TCF20: variants seen among roughly 807,000 people sequenced by gnomAD.
TCF20 encodes SPRE-binding protein.
A neutral mutation model predicts 148.6 loss-of-function variants in TCF20; 3 were observed. The ratio of observed to expected loss-of-function variants is 0.02; its 90% CI spans 0.01 to 0.05. The LOEUF (loss-of-function observed/expected upper bound fraction) is 0.05, where lower values mean the gene tolerates loss of function less well. TCF20 is among the 10% of genes least tolerant of loss of function. TCF20 has a pLI of 1.00. For synonymous variants in TCF20, 1,049 were observed against 909.5 expected (o/e 1.15, Z -2.76); for missense variants, 2,350 against 2,429.3 (o/e 0.97, Z 0.69).
At chr22:42,179,051 A>G (rs1053418611) in intron 3 of TCF20, among the ~76,000 whole-genome samples, 3 of 151,958 alleles carry the variant, frequency 2.0e-5, no homozygotes. Context: ...AAAAAAAAAA[A>G]AAAGAAACAC....
rs1921185643 is a variant in TCF20 at position 42,213,038 on chromosome 22, C to T, written c.2268G>A (p.Val756=). Residue 756 remains valine (V), a synonymous_variant, in exon 2 of 6, where the codon GTG becomes GTA. Transcript: ENST00000677622. ...CAGGGTGGTGGTGGTAACCCTGAAG[C>T]ACTTCCTGCAGGAGGCTTGGGAATT... ...NEKFPSLLQE[V]LQGYHHHPDR... is the part of the protein sequence containing the mutation. 1 of 1,614,144 alleles carries T rather than the reference C, an allele frequency of 6.2e-7. No homozygotes were observed. The highest frequency in any genetic ancestry group is 8.5e-7 in the Non-Finnish European group (1 of 1,180,006).
At chr22:42,201,542 C>G (rs541240701) in intron 2 of TCF20, among the ~76,000 whole-genome samples, 15 of 152,050 alleles carry the variant, frequency 9.9e-5, no homozygotes, top group Non-Finnish European at 1.8e-4. Flanking sequence ...CTGAGGCAGA[C>G]GGATCAGTTG....
intron 1 of TCF20, among the ~76,000 whole-genome samples, chr22:42,325,146 C>T (rs554516728): frequency 6.6e-6 from 1 of 152,370 alleles, no homozygotes; most frequent in East Asian, 1.9e-4. Context: ...TGGGCCAGCG[C>T]CCCCCTAACC....
intron 5 of TCF20, among the ~76,000 whole-genome samples, chr22:42,161,972 CTTTTTTTTTTTTT>C (rs3045573): frequency 1.5e-4 from 11 of 75,026 alleles, no homozygotes; most frequent in East Asian, 3.1e-4. Context: ...TAATGACAGT[CTTTTTTTTTTTTT>C]TTTTTTTTTT....
intron 1 of TCF20, among the ~76,000 whole-genome samples, chr22:42,277,559 G>A (rs983791262): frequency 6.6e-5 from 10 of 152,170 alleles, no homozygotes; most frequent in African/African-American, 1.9e-4. Flanking sequence ...AAGGCCCTGC[G>A]GTAGGAGGGA....
At chr22:42,196,945 A>G (rs1937624337) in intron 2 of TCF20, among the ~76,000 whole-genome samples, 1 of 152,214 alleles carries the variant, frequency 6.6e-6, no homozygotes, top group African/African-American at 2.4e-5. Context: ...TTCTATTTTC[A>G]TAAGGCACGT....
At chr22:42,215,638 AT>A (rs1921690731) in intron 1 of TCF20, among the ~76,000 whole-genome samples, 1 of 151,880 alleles carries the variant, frequency 6.6e-6, no homozygotes, top group Non-Finnish European at 1.5e-5. Flanking sequence ...GGCTCGGCTA[AT>A]TTTTTGTATT....
chr22:42,243,292 CAAAAAAAAAAAAAAAAA>C (rs3045578), intron 1 of TCF20, among the ~76,000 whole-genome samples: 1 of 39,478 alleles, frequency 2.5e-5, no homozygotes, highest in Non-Finnish European at 4.7e-5. Flanking sequence ...GACACTGTCT[CAAAAAAAAAAAAAAAAA>C]AAAAAAAAAA....
At chr22:42,270,239 G>A (rs1926529826) in intron 1 of TCF20, among the ~76,000 whole-genome samples, 100 bp downstream of exon 1, 1 of 151,546 alleles carries the variant, frequency 6.6e-6, no homozygotes, top group Non-Finnish European at 1.5e-5. Context: ...GGGTCCGGCC[G>A]GGACCTCTGC....
Position 42,216,290 on chromosome 22 carries a change from C to A in TCF20, c.-36-949G>T, listed in dbSNP as rs17386314. 4.6e-5 allele frequency among the ~76,000 whole-genome samples: 7 copies of A among 151,880 alleles called. No individual in the cohort carries two copies. In the South Asian group the frequency reaches 8.3e-4, roughly 18 times the overall value. ...ATGTATTAGGGTGATCACTGAACTG[C>A]GGGTTTTAACACTGGCTGCTGATCG... On this transcript the variant is annotated intron_variant, in intron 1 of 5. Coordinates refer to ENST00000677622, the MANE Select transcript of TCF20 (RefSeq NM_001378418.1).
At chr22:42,343,082 A>T (rs1477909213) in intron 1 of TCF20, among the ~76,000 whole-genome samples, 1 of 152,126 alleles carries the variant, frequency 6.6e-6, no homozygotes, top group African/African-American at 2.4e-5. Context: ...TCTTTTCTAC[A>T]ATGAAATATT....
intron 1 of TCF20, among the ~76,000 whole-genome samples, chr22:42,302,600 T>A (rs1927357008): frequency 6.6e-6 from 1 of 152,178 alleles, no homozygotes; most frequent in Non-Finnish European, 1.5e-5. Flanking sequence ...ATCCCTGTCC[T>A]TGCTTGGTGG....
intron 1 of TCF20, among the ~76,000 whole-genome samples, chr22:42,342,118 C>G (rs548405926): frequency 1.3e-5 from 2 of 152,070 alleles, no homozygotes; most frequent in Admixed American, 1.3e-4. Context: ...GGTCCAGCCT[C>G]GAAAAGTGGC....
At chr22:42,176,047 C>T (rs774249693) in intron 3 of TCF20, among the ~76,000 whole-genome samples, 5 of 152,096 alleles carry the variant, frequency 3.3e-5, no homozygotes, top group Non-Finnish European at 7.4e-5. Context: ...CCTCCCACCT[C>T]AGCCTCCGAA....
intron 2 of TCF20, among the ~76,000 whole-genome samples, chr22:42,200,641 CA>C (rs34605295): frequency 4.0e-3 from 390 of 96,456 alleles, no homozygotes; most frequent in African/African-American, 0.013. Context: ...GACTTCGTCT[CA>C]AAAAAAAAAA....
At chr22:42,305,105 A>T (rs9623557) in intron 1 of TCF20, among the ~76,000 whole-genome samples, 4 of 151,504 alleles carry the variant, frequency 2.6e-5, no homozygotes, top group Non-Finnish European at 2.9e-5. Context: ...GAACTAAATA[A>T]CCCCCTGGAG....
chr22:42,264,276 G>A (rs1926168684), intron 1 of TCF20, among the ~76,000 whole-genome samples: 1 of 149,324 alleles, frequency 6.7e-6, no homozygotes, highest in African/African-American at 2.5e-5. Context: ...CGGGGGCGGG[G>A]CGGGGGCAGG....
chr22:42,249,230 G>A (rs931402089), intron 1 of TCF20, among the ~76,000 whole-genome samples: 7 of 152,146 alleles, frequency 4.6e-5, no homozygotes, highest in East Asian at 1.9e-4. Context: ...CTGGTTCTGA[G>A]GCCTTTGGAT....
intron 1 of TCF20, among the ~76,000 whole-genome samples, chr22:42,283,801 G>A (rs964802770): frequency 1.3e-5 from 2 of 152,066 alleles, no homozygotes; most frequent in Non-Finnish European, 2.9e-5. Flanking sequence ...TCACGACCGC[G>A]GGAGAGGCAC....
Sources: gnomAD v4.1 joint callset for allele counts (sites outside exome capture counted in the v4.1 genomes callset) on GRCh38, gnomAD v4.1.1 for gene constraint, MANE v1.5 for transcripts, NCBI Gene and HGNC (gene_info 2026-07-23, HGNC 2026-07-21) for gene names.